Variants in SATB2 observed in about 807,000 individuals in gnomAD.
The protein encoded by SATB2 is DNA-binding protein SATB2.
Under a neutral mutation model 73.4 loss-of-function variants are expected in SATB2, and 1 was observed. The ratio of observed to expected loss-of-function variants is 0.01; its 90% CI spans 0.00 to 0.06. The LOEUF is 0.06. Ranked by LOEUF, SATB2 falls within the 10% of genes least tolerant of loss-of-function variation. The pLI, the probability that SATB2 is intolerant of heterozygous loss-of-function variation, is 1.00. For missense variants in SATB2, 459 were observed against 945.8 expected, an observed-to-expected ratio of 0.49 and a Z score of 6.75; for synonymous variants, 397 against 367.0, an observed-to-expected ratio of 1.08 and a Z score of -0.93.
intron 3 of SATB2, chr2:199,397,461 C>T (rs1263002112): frequency 6.5e-6 from 1 of 152,762 alleles, no homozygotes; most frequent in Admixed American, 6.5e-5. Context: ...ATAAGCCACA[C>T]AAAATTTGGG....
At chr2:199,411,445 A>G (rs1434745200) in intron 3 of SATB2, among the ~76,000 whole-genome samples, 1 of 152,178 alleles carries the variant, frequency 6.6e-6, no homozygotes, top group Non-Finnish European at 1.5e-5. Context: ...TTTTTCAACG[A>G]ATACTATTTT....
chr2:199,339,705 C>T (rs181082178), intron 7 of SATB2, among the ~76,000 whole-genome samples: 2 of 152,114 alleles, frequency 1.3e-5, no homozygotes, highest in Non-Finnish European at 2.9e-5. Context: ...TGAGACCAGA[C>T]GTAGGCTGAC....
chr2:199,376,323 G>A (rs1689604429), intron 5 of SATB2, among the ~76,000 whole-genome samples: 1 of 152,190 alleles, frequency 6.6e-6, no homozygotes, highest in Non-Finnish European at 1.5e-5. Context: ...CAAGAACACT[G>A]TAATAATAAT....
intron 5 of SATB2, among the ~76,000 whole-genome samples, chr2:199,376,692 G>A (rs1321647221): frequency 6.6e-6 from 1 of 152,202 alleles, no homozygotes; most frequent in Non-Finnish European, 1.5e-5. Context: ...ATTGTGGACA[G>A]TCCATCTAGT....
At chr2:199,425,537 G>C (rs369241610) in intron 3 of SATB2, among the ~76,000 whole-genome samples, 1 of 152,034 alleles carries the variant, frequency 6.6e-6, no homozygotes, top group Non-Finnish European at 1.5e-5. Context: ...AAGTGAGATC[G>C]CACATTCATT....
chr2:199,383,964 T>C (rs1574571327), intron 3 of SATB2, among the ~76,000 whole-genome samples: 1 of 152,202 alleles, frequency 6.6e-6, no homozygotes. Context: ...GGCATGGTGG[T>C]TGCATGGTTA....
At chr2:199,383,265 T>C (rs1241223106) in intron 3 of SATB2, among the ~76,000 whole-genome samples, 1 of 152,154 alleles carries the variant, frequency 6.6e-6, no homozygotes, top group Non-Finnish European at 1.5e-5. Context: ...CAAGAAAAGC[T>C]GTTTTCTTGC....
intron 10 of SATB2, among the ~76,000 whole-genome samples, chr2:199,297,616 T>C (rs1687147147): frequency 6.6e-6 from 1 of 152,136 alleles, no homozygotes; most frequent in Admixed American, 6.5e-5. Flanking sequence ...CTTGTTTGAG[T>C]CCACCAAGGC....
chr2:199,328,499 C>T (rs912024909), intron 8 of SATB2, among the ~76,000 whole-genome samples, 199 bp downstream of exon 8: 2 of 151,988 alleles, frequency 1.3e-5, no homozygotes, highest in African/African-American at 4.8e-5. Flanking sequence ...CGAGATCATG[C>T]TACTGCACTC....
intron 7 of SATB2, among the ~76,000 whole-genome samples, chr2:199,344,656 G>C (rs765322427): frequency 1.3e-5 from 2 of 152,146 alleles, no homozygotes; most frequent in Non-Finnish European, 2.9e-5. Flanking sequence ...TCCCAGTCCT[G>C]AAGTTCCAGC....
chr2:199,428,609 T>C (rs1276800635), intron 3 of SATB2, among the ~76,000 whole-genome samples: 1 of 152,154 alleles, frequency 6.6e-6, no homozygotes, highest in Non-Finnish European at 1.5e-5. Context: ...TCCTCTTCTG[T>C]GAAACGGGAA....
intron 10 of SATB2, among the ~76,000 whole-genome samples, chr2:199,300,681 T>A (rs1016806545): frequency 3.9e-5 from 6 of 152,096 alleles, no homozygotes; most frequent in African/African-American, 1.4e-4. Context: ...CTACTCAATT[T>A]TAGGATCTAA....
chr2:199,329,084 G>A (rs754207513), intron 7 of SATB2, 174 bp from the exon 8 acceptor site: 123 of 666,946 alleles, frequency 1.8e-4, no homozygotes, highest in South Asian at 6.9e-4. Flanking sequence ...CTTGCCTTCC[G>A]GGGGATATGC....
intron 6 of SATB2, among the ~76,000 whole-genome samples, 192 bp from the exon 7 acceptor site, chr2:199,349,365 C>A (rs1688748300): frequency 6.6e-6 from 1 of 152,012 alleles, no homozygotes; most frequent in Non-Finnish European, 1.5e-5. Context: ...TTTCATGGAA[C>A]ATATGAAAGA....
At chr2:199,309,812 C>T (rs1014087713) in intron 9 of SATB2, among the ~76,000 whole-genome samples, 2 of 152,178 alleles carry the variant, frequency 1.3e-5, no homozygotes, top group African/African-American at 2.4e-5. Flanking sequence ...TGTCCCACAT[C>T]ATGTCTCTTG....
intron 10 of SATB2, among the ~76,000 whole-genome samples, chr2:199,287,488 T>C (rs1692723730): frequency 1.3e-5 from 2 of 152,104 alleles, no homozygotes; most frequent in Admixed American, 1.3e-4. Context: ...TCCAAATCCC[T>C]TCATAGTATT....
intron 10 of SATB2, among the ~76,000 whole-genome samples, chr2:199,280,072 TG>T (rs1692437749): frequency 6.6e-6 from 1 of 152,206 alleles, no homozygotes; most frequent in African/African-American, 2.4e-5. Flanking sequence ...ACGGAGGGAC[TG>T]GCTGAAGCCA....
At position 199,464,586 on chromosome 2, in the gene SATB2, G is replaced by A. The variant is rs1692554886; in HGVS notation, c.-141+250C>T. Among the ~76,000 whole-genome samples, 1 of 152,154 alleles carries A rather than the reference G, an allele frequency of 6.6e-6. No individual in the cohort carries two copies. Among genetic ancestry groups the A allele is most frequent in the African/African-American group, 2.4e-5 (1 of 41,452 alleles). On this transcript the variant is annotated intron_variant, in intron 1 of 11. Coordinates refer to the SATB2 transcript ENST00000260926. This position sits in a 1 kb window ranked among gnomAD's most constrained non-coding sequence, Gnocchi z 6.6. ...TGGAGGTCTGAGACGCCCCGCGCCCGACTCACGGCGCGAACACCAGCGCTC... is the reference window on the plus strand; with the variant it reads ...TGGAGGTCTGAGACGCCCCGCGCCCAACTCACGGCGCGAACACCAGCGCTC...
intron 2 of SATB2, among the ~76,000 whole-genome samples, chr2:199,438,863 G>T (rs1219362434): frequency 6.6e-6 from 1 of 152,128 alleles, no homozygotes; most frequent in African/African-American, 2.4e-5. Context: ...CTGAAACTAT[G>T]GGAGAAGTAA....
Sources: gnomAD v4.1 joint callset for allele counts (sites outside exome capture counted in the v4.1 genomes callset) on GRCh38, gnomAD v4.1.1 for gene constraint, Gnocchi (gnomAD v3.1) non-coding constraint, MANE v1.5 for transcripts, NCBI Gene and HGNC (gene_info 2026-07-23, HGNC 2026-07-21) for gene names.